Variants in ACVR1 observed in about 807,000 individuals in gnomAD.
ACVR1 encodes the protein activin receptor type-1.
ACVR1 carries 38 observed loss-of-function variants against 57.1 expected under a neutral mutation model. The observed-to-expected ratio is 0.67, with a 90% CI of 0.51 to 0.87. ACVR1 has a LOEUF of 0.87. Among genes scored for constraint, ACVR1 ranks in the 40% least tolerant of loss-of-function variants. The pLI is 0.00. For synonymous variants in ACVR1, 212 were observed against 228.1 expected, an observed-to-expected ratio of 0.93 and a Z score of 0.63; for missense variants, 463 against 638.2, an observed-to-expected ratio of 0.73 and a Z score of 2.96.
At chr2:157,765,404 T>C (rs890763149) in intron 8 of ACVR1, among the ~76,000 whole-genome samples, 4 of 152,204 alleles carry the variant, frequency 2.6e-5, no homozygotes, top group Non-Finnish European at 4.4e-5. Context: ...AATGCAACAG[T>C]ACTGGTTACT....
chr2:157,876,020 C>G lies in ACVR1; in HGVS notation c.-407G>C, dbSNP rs1690280925. ...GAGCGGTGCGTGGGGCCGGGAGCTT[C>G]CCGGCCCTGGGGCCGGCGCGGCTGG... On this transcript the variant is annotated 5_prime_UTR_variant, in exon 1 of 11. Coordinates refer to ENST00000434821, the MANE Select transcript of ACVR1 (RefSeq NM_001111067.4). 6.8e-6 allele frequency among the ~76,000 whole-genome samples: 1 copy of G among 147,046 alleles called. No homozygotes were observed. The highest frequency in any genetic ancestry group is 2.1e-4 in the South Asian group (1 of 4,706).
chr2:157,791,326 T>G (rs1213083392), intron 3 of ACVR1, among the ~76,000 whole-genome samples: 1 of 152,220 alleles, frequency 6.6e-6, no homozygotes, highest in East Asian at 1.9e-4. Context: ...AAACTCATAA[T>G]AAATTATTTG....
chr2:157,863,248 G>A (rs1040514351), intron 1 of ACVR1, among the ~76,000 whole-genome samples: 1 of 147,446 alleles, frequency 6.8e-6, no homozygotes, highest in Non-Finnish European at 1.5e-5. Context: ...CCTGACCTCA[G>A]GTGATCTGGC....
intron 1 of ACVR1, among the ~76,000 whole-genome samples, chr2:157,853,963 TAA>T (rs1689415832): frequency 6.6e-6 from 1 of 152,174 alleles, no homozygotes; most frequent in Non-Finnish European, 1.5e-5. Context: ...TAACGCAGGT[TAA>T]GTTTCCCCCT....
chr2:157,745,077 A>G (rs920317398), intron 9 of ACVR1, among the ~76,000 whole-genome samples: 2 of 152,234 alleles, frequency 1.3e-5, no homozygotes, highest in African/African-American at 4.8e-5. Flanking sequence ...ATTCTCAGGA[A>G]TCTGTTAAAA....
intron 9 of ACVR1, among the ~76,000 whole-genome samples, chr2:157,750,609 A>C (rs1012960137): frequency 6.6e-6 from 1 of 152,180 alleles, no homozygotes; most frequent in African/African-American, 2.4e-5. Context: ...TTCCCTACAA[A>C]AACCAAACCA....
chr2:157,812,412 G>C (rs1687780890), intron 2 of ACVR1, among the ~76,000 whole-genome samples: 1 of 151,768 alleles, frequency 6.6e-6, no homozygotes, highest in Non-Finnish European at 1.5e-5. Flanking sequence ...CTGGTTGATG[G>C]ACCCATTAAA....
chr2:157,793,684 G>GAAGAAGAA (rs1460305619), intron 3 of ACVR1, among the ~76,000 whole-genome samples: 7 of 152,148 alleles, frequency 4.6e-5, no homozygotes, highest in Admixed American at 2.0e-4. Context: ...ATACTAAGAA[G>GAAGAAGAA]AAGAAGAAAC....
At chr2:157,741,701 TGAAA>T (rs956357973) in intron 9 of ACVR1, among the ~76,000 whole-genome samples, 1 of 143,034 alleles carries the variant, frequency 7.0e-6, no homozygotes, top group African/African-American at 2.6e-5. Flanking sequence ...ATGAGAAAGG[TGAAA>T]GAAAAAAAAT....
At chr2:157,859,130 C>T (rs1689638330) in intron 1 of ACVR1, among the ~76,000 whole-genome samples, 1 of 152,186 alleles carries the variant, frequency 6.6e-6, no homozygotes, top group Admixed American at 6.5e-5. Flanking sequence ...GTTAGGCATT[C>T]TAAGTCACAG....
At chr2:157,789,807 G>C (rs556798612) in intron 3 of ACVR1, among the ~76,000 whole-genome samples, 1 of 152,290 alleles carries the variant, frequency 6.6e-6, no homozygotes, top group African/African-American at 2.4e-5. Context: ...TTAAAGAGCA[G>C]GTATAAAATG....
chr2:157,762,672 T>C (rs914869027), intron 8 of ACVR1, among the ~76,000 whole-genome samples: 5 of 152,220 alleles, frequency 3.3e-5, no homozygotes, highest in African/African-American at 4.8e-5. Context: ...TGCTGGACTA[T>C]TGAATAGACT....
chr2:157,737,187 A>G lies in ACVR1; in HGVS notation c.*344T>C. 2.4e-6 allele frequency: 1 copy of G among 420,250 alleles called. No homozygotes were observed. Among genetic ancestry groups the G allele is most frequent in the Non-Finnish European group, 4.4e-6 (1 of 225,302 alleles). The allele number at this position is 420,250 out of a possible 1,614,324, so 26.0% of individuals were successfully genotyped here. ...CTTGAGTTTCCCGTGGGGAGTGTCTAGGAGACTTGTGAAAGCTATGCAAAG... is the reference window on the plus strand; with the variant it reads ...CTTGAGTTTCCCGTGGGGAGTGTCTGGGAGACTTGTGAAAGCTATGCAAAG... On this transcript the variant is annotated 3_prime_UTR_variant, in exon 11 of 11. Transcript: ENST00000434821.
chr2:157,874,486 C>A (rs1690214535), intron 1 of ACVR1, among the ~76,000 whole-genome samples: 1 of 152,212 alleles, frequency 6.6e-6, no homozygotes. Flanking sequence ...GCTGCCCAAG[C>A]CTGGGCCCCT....
At chr2:157,799,630 C>A in intron 2 of ACVR1, 130 bp from the exon 3 acceptor site, 1 of 696,550 alleles carries the variant, frequency 1.4e-6, no homozygotes. Context: ...TATTGCCTTA[C>A]TTCTTACTAC....
chr2:157,839,573 T>C (rs946069419), intron 1 of ACVR1, among the ~76,000 whole-genome samples: 4 of 152,174 alleles, frequency 2.6e-5, no homozygotes, highest in African/African-American at 9.7e-5. Flanking sequence ...TGAGAATAGC[T>C]GTCCAGCGAC....
chr2:157,765,544 C>T (rs1289138551), intron 8 of ACVR1, among the ~76,000 whole-genome samples: 1 of 151,934 alleles, frequency 6.6e-6, no homozygotes, highest in Non-Finnish European at 1.5e-5. Context: ...ATTTGTATAT[C>T]TCACAGTATA....
At chr2:157,816,802 G>C (rs1248388164) in intron 2 of ACVR1, among the ~76,000 whole-genome samples, 1 of 152,074 alleles carries the variant, frequency 6.6e-6, no homozygotes, top group Non-Finnish European at 1.5e-5. Context: ...AACCATATCT[G>C]AGCAACTCAA....
At chr2:157,834,257 A>T (rs142428103) in intron 1 of ACVR1, among the ~76,000 whole-genome samples, 2,897 of 151,936 alleles carry the variant, frequency 0.019, 48 homozygotes, top group Non-Finnish European at 0.028. Flanking sequence ...ATGCCCAGCT[A>T]ATTTTTTGTG....
Sources: allele counts gnomAD v4.1 joint callset (sites outside exome capture counted in the v4.1 genomes callset), GRCh38; gene constraint gnomAD v4.1.1; transcripts MANE v1.5; gene names NCBI Gene and HGNC (gene_info 2026-07-23, HGNC 2026-07-21).